HEXB: variants seen among roughly 807,000 people sequenced by gnomAD.
HEXB encodes beta-hexosaminidase subunit beta.
In HEXB, 51 loss-of-function variants were observed where a neutral mutation model predicts 71.2. The ratio of observed to expected loss-of-function variants is 0.72; its 90% CI spans 0.57 to 0.90. HEXB has a LOEUF of 0.90. Among genes scored for constraint, HEXB ranks in the 40% least tolerant of loss-of-function variants. The pLI, the probability that HEXB is intolerant of heterozygous loss-of-function variation, is 0.00. For missense variants in HEXB, 617 were observed against 677.0 expected, an observed-to-expected ratio of 0.91 and a Z score of 0.98; for synonymous variants, 266 against 249.3, an observed-to-expected ratio of 1.07 and a Z score of -0.63.
chr5:74,711,454 G>C (rs1268069209), intron 6 of HEXB, among the ~76,000 whole-genome samples: 1 of 150,966 alleles, frequency 6.6e-6, no homozygotes, highest in African/African-American at 2.4e-5. Context: ...TTAAACTAAA[G>C]AGCTTCTGCA....
At chr5:74,679,210 A>C (rs1186371259) in intron 1 of HEXB, among the ~76,000 whole-genome samples, 2 of 152,226 alleles carry the variant, frequency 1.3e-5, no homozygotes, top group Non-Finnish European at 2.9e-5. Context: ...CTGGCAGTGG[A>C]CAGAAACTGG....
intron 1 of HEXB, among the ~76,000 whole-genome samples, chr5:74,673,887 G>A (rs916493918): frequency 1.3e-5 from 2 of 152,092 alleles, no homozygotes; most frequent in African/African-American, 2.4e-5. Context: ...TGAGCCACTC[G>A]ATACTCTGTA....
rs186405932 is a variant in HEXB at position 74,670,469 on chromosome 5, A to G, written c.-376-18859A>G. Among the ~76,000 whole-genome samples the G allele has an allele frequency of 1.1e-4, 17 of 152,018 alleles. No homozygotes were observed. The East Asian group carries it at 3.3e-3, about 29-fold the overall frequency. On this transcript the variant is annotated intron_variant, in intron 1 of 13. Coordinates refer to the HEXB transcript ENST00000511181. ...CATTCTTCTCAGAGGTGAAACAAGA[A>G]CCCAAGACCCACCAAATGCGAATAC... is the stretch of plus-strand genomic sequence containing the variant.
intron 1 of HEXB, among the ~76,000 whole-genome samples, chr5:74,671,660 T>C (rs1395657557): frequency 6.6e-6 from 1 of 152,206 alleles, no homozygotes; most frequent in Non-Finnish European, 1.5e-5. Flanking sequence ...CCAAATTGTA[T>C]ACTTTAAATA....
chr5:74,673,651 T>C (rs889487780), intron 1 of HEXB, among the ~76,000 whole-genome samples: 1 of 152,170 alleles, frequency 6.6e-6, no homozygotes, highest in Non-Finnish European at 1.5e-5. Context: ...GCTCATTAGA[T>C]GTGATTGCAT....
intron 1 of HEXB, chr5:74,640,643 T>G (rs1747831318): frequency 6.6e-6 from 1 of 152,302 alleles, no homozygotes; most frequent in Non-Finnish European, 1.5e-5. Context: ...AAGCGCCTTG[T>G]GTGCCGGCGG....
At chr5:74,650,458 G>A (rs1284457907) in intron 1 of HEXB, among the ~76,000 whole-genome samples, 1 of 152,148 alleles carries the variant, frequency 6.6e-6, no homozygotes, top group Non-Finnish European at 1.5e-5. Context: ...TATTATTATG[G>A]GGTAAAGCTG....
chr5:74,670,635 C>T (rs1748516705), intron 1 of HEXB, among the ~76,000 whole-genome samples: 1 of 152,232 alleles, frequency 6.6e-6, no homozygotes, highest in African/African-American at 2.4e-5. Context: ...GAACTGTTAA[C>T]ATGCTGTCAG....
chr5:74,673,682 A>C (rs1748580918), intron 1 of HEXB, among the ~76,000 whole-genome samples: 1 of 152,114 alleles, frequency 6.6e-6, no homozygotes, highest in African/African-American at 2.4e-5. Context: ...TTCAGAAGTG[A>C]GTTAGGTGGA....
At chr5:74,704,284 A>G (rs1386054046) in intron 5 of HEXB, among the ~76,000 whole-genome samples, 1 of 151,992 alleles carries the variant, frequency 6.6e-6, no homozygotes, top group Non-Finnish European at 1.5e-5. Context: ...AGATGTCCTA[A>G]CTCCATCAGC....
chr5:74,683,197 A>G (rs1236931795), upstream of HEXB, among the ~76,000 whole-genome samples: 1 of 152,214 alleles, frequency 6.6e-6, no homozygotes, highest in Non-Finnish European at 1.5e-5. Flanking sequence ...AAGGTAGGTC[A>G]GAGAACCTCT....
In HEXB at chr5:74,713,493, A is replaced by G; in HGVS notation, c.772-13A>G. ...GTTGTACATTTTAACTTGAATAAAT[A>G]TGGCTTTTACAGGGAAGCTATTCTT... On this transcript the variant is annotated splice_polypyrimidine_tract_variant and intron_variant, in intron 6 of 13. Transcript: ENST00000261416. 1 of 1,609,608 alleles carries G rather than the reference A, an allele frequency of 6.2e-7. No homozygotes were observed. Among genetic ancestry groups the G allele is most frequent in the Non-Finnish European group, 8.5e-7 (1 of 1,175,960 alleles).
At chr5:74,672,724 C>G (rs556606734) in intron 1 of HEXB, among the ~76,000 whole-genome samples, 1 of 152,330 alleles carries the variant, frequency 6.6e-6, no homozygotes, top group South Asian at 2.1e-4. Context: ...GTCACACCTC[C>G]TTGTTCATAT....
At chr5:74,719,288 T>C (rs1339997245) in intron 11 of HEXB, among the ~76,000 whole-genome samples, 3 of 152,186 alleles carry the variant, frequency 2.0e-5, no homozygotes, top group Non-Finnish European at 4.4e-5. Flanking sequence ...CTAAAGGTAT[T>C]TGATTGCATT....
chr5:74,699,862 C>T (rs1749218317), intron 5 of HEXB, among the ~76,000 whole-genome samples: 1 of 151,996 alleles, frequency 6.6e-6, no homozygotes. Flanking sequence ...TGTGGTACAT[C>T]TTTGCCATGT....
intron 6 of HEXB, among the ~76,000 whole-genome samples, chr5:74,712,425 T>TATG: frequency 7.1e-6 from 1 of 140,566 alleles, no homozygotes; most frequent in East Asian, 2.0e-4. Flanking sequence ...AAACTTAAAG[T>TATG]ATGATAATAA....
chr5:74,705,197 T>A, intron 5 of HEXB, 22 bp from the exon 6 acceptor site: 21 of 1,433,686 alleles, frequency 1.5e-5, no homozygotes, highest in Non-Finnish European at 2.1e-5. Flanking sequence ...AGTAAATAAT[T>A]TTTAAATATG....
rs758398934 is a variant in HEXB, at chr5:74,705,284, A to T, written c.735A>T (p.Pro245=). ...HWHIVDDQSF[P]YQSITFPELS... Reference sequence around the variant, plus strand: ...ACATAGTTGATGACCAGTCTTTCCCATATCAGAGCATCACTTTTCCTGAGT... The same window carrying T: ...ACATAGTTGATGACCAGTCTTTCCCTTATCAGAGCATCACTTTTCCTGAGT... Residue 245 remains proline, a synonymous_variant, in exon 6 of 14, where the codon CCA becomes CCT. Coordinates refer to ENST00000261416, the MANE Select transcript of HEXB (RefSeq NM_000521.4). The T allele has an allele frequency of 1.9e-6, 3 of 1,609,490 alleles. No individual in the cohort carries two copies. The East Asian group carries it at 6.7e-5, about 36-fold the overall frequency.
upstream of HEXB, among the ~76,000 whole-genome samples, chr5:74,681,322 A>G (rs982365659): frequency 7.2e-5 from 11 of 152,288 alleles, no homozygotes; most frequent in Admixed American, 3.9e-4. Context: ...ACCAGTGAGT[A>G]GAGCCCAGTT....
Sources: allele counts gnomAD v4.1 joint callset (sites outside exome capture counted in the v4.1 genomes callset), GRCh38; gene constraint gnomAD v4.1.1; transcripts MANE v1.5; gene names NCBI Gene and HGNC (gene_info 2026-07-23, HGNC 2026-07-21).